The following GPHN variants were observed in gnomAD, a reference collection of about 807,000 sequenced individuals.
The protein encoded by GPHN is gephyrin.
A neutral mutation model predicts 95.5 loss-of-function variants in GPHN; 17 were observed. The ratio of observed to expected loss-of-function variants is 0.18; its 90% CI spans 0.12 to 0.27. GPHN has a LOEUF of 0.27. Ranked by LOEUF, GPHN falls within the 10% of genes least tolerant of loss-of-function variation. The probability of loss-of-function intolerance (pLI) is 1.00; values close to 1 mark genes in which losing one functional copy is unlikely to be tolerated. For synonymous variants in GPHN, 320 were observed against 322.5 expected (o/e 0.99, Z 0.08); for missense variants, 660 against 978.1 (o/e 0.67, Z 4.34).
At chr14:67,375,370 C>A in the GPHN span, among the ~76,000 whole-genome samples, 1 of 152,050 alleles carries the variant, frequency 6.6e-6, no homozygotes, top group Non-Finnish European at 1.5e-5. Context: ...ATCCTCTCGC[C>A]TCTGCCTCCC....
At chr14:67,089,125 C>CTTTTTTTGTTTTTTTTTTTTT in intron 12 of GPHN, 50 bp downstream of exon 12, 5 of 326,488 alleles carry the variant, frequency 1.5e-5, no homozygotes, top group Non-Finnish European at 2.4e-5. Context: ...ATTTTTTTTT[C>CTTTTTTTGTTTTTTTTTTTTT]TTTTTTTCTT....
At chr14:67,580,125 G>A in the GPHN span, 209 of 430,768 alleles carry the variant, frequency 4.9e-4, 3 homozygotes, top group East Asian at 8.3e-3. Flanking sequence ...GCTGTGCAGC[G>A]TCCAGAAGAA....
intron 21 of GPHN, among the ~76,000 whole-genome samples, chr14:67,178,995 A>G (rs1339828474): frequency 1.3e-5 from 2 of 152,210 alleles, no homozygotes; most frequent in Non-Finnish European, 2.9e-5. Context: ...AGGGAGAAAT[A>G]AAGCCTTTCC....
the GPHN span, among the ~76,000 whole-genome samples, chr14:67,530,798 G>A: frequency 6.6e-6 from 1 of 152,232 alleles, no homozygotes; most frequent in African/African-American, 2.4e-5. Context: ...AGCAGGCTGT[G>A]TGACTGTTTT....
At chr14:66,964,220 A>C (rs931177259) in intron 8 of GPHN, among the ~76,000 whole-genome samples, 8 of 131,488 alleles carry the variant, frequency 6.1e-5, no homozygotes, top group African/African-American at 2.0e-4. Flanking sequence ...TGATAAGTAT[A>C]ATAATAACAG....
intron 3 of GPHN, among the ~76,000 whole-genome samples, chr14:66,814,702 A>G (rs925918758): frequency 8.5e-5 from 13 of 152,254 alleles, no homozygotes; most frequent in Non-Finnish European, 1.5e-4. Context: ...AAGCCCACAA[A>G]GATGAGAAAG....
chr14:66,633,420 A>G (rs146644797), intron 1 of GPHN, among the ~76,000 whole-genome samples: 9 of 152,112 alleles, frequency 5.9e-5, no homozygotes, highest in African/African-American at 2.2e-4. Context: ...CCAAACTTCA[A>G]CCTTATATAA....
chr14:66,620,779 A>G (rs1181852479), intron 1 of GPHN, among the ~76,000 whole-genome samples: 2 of 152,178 alleles, frequency 1.3e-5, no homozygotes, highest in Non-Finnish European at 2.9e-5. Context: ...TCCACAGTCC[A>G]AAGTCTCACC....
chr14:67,460,103 C>T, the GPHN span, among the ~76,000 whole-genome samples: 1 of 152,180 alleles, frequency 6.6e-6, no homozygotes, highest in South Asian at 2.1e-4. Flanking sequence ...TAGAAATAAA[C>T]ATACACTTAG....
intron 5 of GPHN, among the ~76,000 whole-genome samples, chr14:66,902,593 T>C (rs2065174180): frequency 6.6e-6 from 1 of 152,110 alleles, no homozygotes; most frequent in South Asian, 2.1e-4. Context: ...TTGAGCTTCA[T>C]TAAATGTTTT....
At chr14:67,691,026 G>T in the GPHN span, 7 of 739,854 alleles carry the variant, frequency 9.5e-6, no homozygotes, top group Non-Finnish European at 1.7e-5. Flanking sequence ...TGCACACATG[G>T]TCTATTATGG....
At chr14:67,401,041 G>T in the GPHN span, among the ~76,000 whole-genome samples, 4 of 152,176 alleles carry the variant, frequency 2.6e-5, no homozygotes, top group African/African-American at 9.6e-5. Context: ...CTGTGTGTCT[G>T]TGTGCCTCCA....
chr14:67,583,783 G>A, the GPHN span: 1 of 1,612,520 alleles, frequency 6.2e-7, no homozygotes, highest in Non-Finnish European at 8.5e-7. Context: ...GCCAGGCCCT[G>A]GAGGCACATC....
intron 2 of GPHN, among the ~76,000 whole-genome samples, chr14:66,712,075 G>A (rs1474508141): frequency 6.6e-6 from 1 of 152,120 alleles, no homozygotes; most frequent in Non-Finnish European, 1.5e-5. Context: ...CTTTATAGTA[G>A]CATGATTTAT....
At chr14:66,685,710 T>C (rs904918994) in intron 2 of GPHN, among the ~76,000 whole-genome samples, 1 of 152,182 alleles carries the variant, frequency 6.6e-6, no homozygotes, top group African/African-American at 2.4e-5. Flanking sequence ...CTGTTCACTC[T>C]GATGGTAGTT....
chr14:66,977,363 G>T (rs548625059), intron 9 of GPHN, among the ~76,000 whole-genome samples: 1 of 151,880 alleles, frequency 6.6e-6, no homozygotes. Context: ...CCCGGGAGGC[G>T]GAGGTTGCAG....
the GPHN span, among the ~76,000 whole-genome samples, chr14:67,211,427 G>A: frequency 6.6e-6 from 1 of 152,062 alleles, no homozygotes; most frequent in South Asian, 2.1e-4. Context: ...TGAACCTAGA[G>A]GAGAACTGGG....
At chr14:66,861,383 C>T (rs981551036) in intron 4 of GPHN, among the ~76,000 whole-genome samples, 1 of 151,764 alleles carries the variant, frequency 6.6e-6, no homozygotes, top group African/African-American at 2.4e-5. Context: ...AGATAGATTC[C>T]AATACAATAA....
intron 8 of GPHN, among the ~76,000 whole-genome samples, chr14:66,961,440 G>A (rs973516821): frequency 6.6e-5 from 10 of 151,724 alleles, no homozygotes; most frequent in African/African-American, 1.7e-4. Context: ...AAAAGATTTC[G>A]TTCATCAATA....
Sources: gnomAD v4.1 joint callset for allele counts (sites outside exome capture counted in the v4.1 genomes callset) on GRCh38, gnomAD v4.1.1 for gene constraint, MANE v1.5 for transcripts, NCBI Gene and HGNC (gene_info 2026-07-23, HGNC 2026-07-21) for gene names.